The following ZFC3H1 variants were observed in gnomAD, a reference collection of about 807,000 sequenced individuals.
The protein encoded by ZFC3H1 is zinc finger C3H1 domain-containing protein.
Under a neutral mutation model 243.7 loss-of-function variants are expected in ZFC3H1, and 71 were observed. The ratio of observed to expected loss-of-function variants is 0.29; its 90% CI spans 0.24 to 0.36. The LOEUF (loss-of-function observed/expected upper bound fraction) is 0.36, where lower values mean the gene tolerates loss of function less well. ZFC3H1 is among the 10% of genes least tolerant of loss of function. The pLI is 1.00. For synonymous variants in ZFC3H1, 838 were observed against 813.0 expected (o/e 1.03, Z -0.52); for missense variants, 1,966 against 2,317.1 (o/e 0.85, Z 3.11).
At chr12:71,637,315 TTC>T (rs1417994639) in intron 7 of ZFC3H1, among the ~76,000 whole-genome samples, 1 of 152,126 alleles carries the variant, frequency 6.6e-6, no homozygotes, top group East Asian at 1.9e-4. Flanking sequence ...TTATAGAAAC[TTC>T]TCTGTTCCAA....
chr12:71,611,725 G>T, intron 32 of ZFC3H1, 61 bp downstream of exon 32: 1 of 929,934 alleles, frequency 1.1e-6, no homozygotes, highest in East Asian at 2.9e-5. Context: ...TTACCTGTCT[G>T]GAGCAAACCT....
intron 21 of ZFC3H1, 68 bp from the exon 22 acceptor site, chr12:71,626,514 C>A: frequency 7.6e-7 from 1 of 1,322,264 alleles, no homozygotes; most frequent in Non-Finnish European, 1.0e-6. Context: ...TAGGGCTAAT[C>A]CAATGAGTCA....
At chr12:71,639,350 G>T in intron 6 of ZFC3H1, 1 of 188,334 alleles carries the variant, frequency 5.3e-6, no homozygotes, top group Non-Finnish European at 1.1e-5. Flanking sequence ...ACTAATCTTT[G>T]GAACATTTTA....
Position 71,624,121 on chromosome 12 carries a change from C to A in ZFC3H1, c.4489G>T (p.Ala1497Ser), listed in dbSNP as rs1880098609. Residue 1497 changes from alanine (A) to serine (S), a missense_variant, in exon 23 of 35, where the codon GCA becomes TCA. Physicochemically the swap from Ala to Ser is moderately conservative, Grantham distance 99. Coordinates refer to ENST00000378743, the MANE Select transcript of ZFC3H1 (RefSeq NM_144982.5). ...LHIFTGRCQS[A>S]LAILQNALKS... Reference sequence around the variant, plus strand: ...GTGCTTACCTGTAAAATTGCCAGTGCACTTTGGCATCTTCCAGTAAATATG... The same window carrying A: ...GTGCTTACCTGTAAAATTGCCAGTGAACTTTGGCATCTTCCAGTAAATATG... The A allele has an allele frequency of 1.9e-6, 3 of 1,611,248 alleles. No individual in the cohort carries two copies. The African/African-American group carries it at 4.0e-5, about 22-fold the overall frequency.
intron 2 of ZFC3H1, among the ~76,000 whole-genome samples, chr12:71,653,135 A>G (rs1880933132): frequency 1.3e-5 from 2 of 152,218 alleles, no homozygotes; most frequent in Admixed American, 1.3e-4. Context: ...TAATTTGTTT[A>G]AAGAAACAAA....
In ZFC3H1 at chr12:71,647,784, T is replaced by C; in HGVS notation, c.1045A>G (p.Arg349Gly). The change falls in exon 3 of 35, where the codon AGA (arginine) becomes GGA (glycine). Residue 349 changes from arginine (R) to glycine (G), a missense_variant. Physicochemically the swap from Arg to Gly is moderately radical, Grantham distance 125. Around this residue, in one of 4 missense-constraint regions of ZFC3H1, gnomAD observed 484 missense variants for 449.7 expected, o/e 1.08. Transcript: ENST00000378743. Reference sequence around the variant, plus strand: ...AGAATATCTGAGGTACTAATTCTTCTTGTTAAATTTTGTTCTTTATCTTGT... The same window carrying C: ...AGAATATCTGAGGTACTAATTCTTCCTGTTAAATTTTGTTCTTTATCTTGT... ...GLQDKEQNLT[R>G]RISTSDILSE... The C allele has an allele frequency of 2.1e-6, 3 of 1,451,366 alleles. No individual in the cohort carries two copies. Among genetic ancestry groups the C allele is most frequent in the Non-Finnish European group, 2.8e-6 (3 of 1,063,110 alleles). 89.9% of individuals were successfully genotyped at this position (1,451,366 alleles called of 1,614,324 possible).
At chr12:71,649,006 G>A (rs1471083977) in intron 2 of ZFC3H1, among the ~76,000 whole-genome samples, 1 of 150,872 alleles carries the variant, frequency 6.6e-6, no homozygotes, top group Non-Finnish European at 1.5e-5. Context: ...CAGGAGAATC[G>A]CTTGGACCCG....
chr12:71,660,097 T>C (rs1045761108), intron 1 of ZFC3H1, among the ~76,000 whole-genome samples: 1 of 152,218 alleles, frequency 6.6e-6, no homozygotes, highest in African/African-American at 2.4e-5. Context: ...ATAAACCCTA[T>C]ACTCAGGCTA....
At position 71,644,318 on chromosome 12, in the gene ZFC3H1, G is replaced by A. The variant is rs1052931346; in HGVS notation, c.1280C>T (p.Ala427Val). Reference sequence around the variant, plus strand: ...TTGCTGCTTCCTCAATGCTTGTTTAGCTTTAAATAAAAAACACATAAACAT... The same window carrying A: ...TTGCTGCTTCCTCAATGCTTGTTTAACTTTAAATAAAAAACACATAAACAT... The part of the protein sequence containing the change: ...THSAKKVSTT[A>V]KQALRKQQTK... Residue 427 changes from alanine to valine, a missense_variant and splice_region_variant, in exon 5 of 35, where the codon GCT becomes GTT. By Grantham distance (64) the Ala-to-Val change is moderately conservative (BLOSUM62 0). Coordinates refer to ENST00000378743, the MANE Select transcript of ZFC3H1 (RefSeq NM_144982.5). The A allele has an allele frequency of 1.4e-5, 22 of 1,610,022 alleles. No individual in the cohort carries two copies. The highest frequency in any genetic ancestry group is 2.7e-5 in the African/African-American group (2 of 74,340).
chr12:71,625,923 G>C (rs1880153081), intron 22 of ZFC3H1, among the ~76,000 whole-genome samples: 1 of 152,030 alleles, frequency 6.6e-6, no homozygotes, highest in South Asian at 2.1e-4. Context: ...AATTTTTTCA[G>C]GTGTTTTGCA....
chr12:71,634,071 A>G, intron 12 of ZFC3H1, 84 bp downstream of exon 12: 1 of 1,337,988 alleles, frequency 7.5e-7, no homozygotes, highest in South Asian at 1.4e-5. Flanking sequence ...ATAATCTTAT[A>G]GTACGCTTAT....
chr12:71,647,856 C>A, intron 2 of ZFC3H1, 43 bp from the exon 3 acceptor site: 2 of 775,404 alleles, frequency 2.6e-6, no homozygotes, highest in Non-Finnish European at 4.0e-6. Flanking sequence ...CAAAAGATAG[C>A]CACAATCTAA....
At chr12:71,631,669 A>G (rs2137534625) in intron 16 of ZFC3H1, 109 bp downstream of exon 16, 2 of 944,006 alleles carry the variant, frequency 2.1e-6, no homozygotes, top group Non-Finnish European at 3.1e-6. Context: ...TCTGGTTATC[A>G]ATAGCAATGA....
At chr12:71,642,688 A>T (rs751091667) in intron 5 of ZFC3H1, 129 bp from the exon 6 acceptor site, 1 of 1,058,000 alleles carries the variant, frequency 9.5e-7, no homozygotes, top group Non-Finnish European at 1.3e-6. Flanking sequence ...TGTGCCTATC[A>T]CATCTTTGGG....
intron 24 of ZFC3H1, among the ~76,000 whole-genome samples, chr12:71,622,271 A>C (rs1258147069): frequency 6.6e-6 from 1 of 152,200 alleles, no homozygotes; most frequent in African/African-American, 2.4e-5. Flanking sequence ...TAAAATGATA[A>C]ATAAGACAAG....
At chr12:71,634,396 A>G in intron 11 of ZFC3H1, 92 bp from the exon 12 acceptor site, 1 of 1,368,922 alleles carries the variant, frequency 7.3e-7, no homozygotes, top group Non-Finnish European at 9.9e-7. Context: ...TAACAATATT[A>G]ATCACACCGA....
At chr12:71,656,609 T>C in intron 2 of ZFC3H1, 1 of 614,648 alleles carries the variant, frequency 1.6e-6, no homozygotes. Flanking sequence ...GTCAAAACCA[T>C]TTTCTTTAAA....
intron 2 of ZFC3H1, among the ~76,000 whole-genome samples, chr12:71,651,657 G>A (rs1162946575): frequency 2.6e-5 from 4 of 152,186 alleles, no homozygotes; most frequent in Admixed American, 6.5e-5. Flanking sequence ...GCAATGAGAA[G>A]TAAAGTCAAA....
chr12:71,660,424 G>T (rs186692398), intron 1 of ZFC3H1: 1 of 151,674 alleles, frequency 6.6e-6, no homozygotes, highest in Non-Finnish European at 1.5e-5. Flanking sequence ...TTTAAGTGCA[G>T]CATCTGTGAA....
Sources: gnomAD v4.1 joint callset for allele counts (sites outside exome capture counted in the v4.1 genomes callset) on GRCh38, gnomAD v4.1.1 for gene constraint, gnomAD v4.1.1 regional missense constraint, MANE v1.5 for transcripts, NCBI Gene and HGNC (gene_info 2026-07-23, HGNC 2026-07-21) for gene names.